Variants in MAGT1 observed in about 807,000 individuals in gnomAD.
MAGT1 encodes the protein magnesium transporter 1.
A neutral mutation model predicts 28.4 loss-of-function variants in MAGT1; 4 were observed. The observed-to-expected ratio is 0.14, with a 90% CI of 0.07 to 0.32. The LOEUF (loss-of-function observed/expected upper bound fraction) is 0.32. Ranked by LOEUF, MAGT1 falls within the 10% of genes least tolerant of loss-of-function variation. MAGT1 has a pLI of 1.00. For missense variants in MAGT1, 193 were observed against 264.5 expected (o/e 0.73, Z 1.88); for synonymous variants, 89 against 89.7 (o/e 0.99, Z 0.04).
chrX:77,855,708 A>G, intron 5 of MAGT1, 118 bp from the exon 6 acceptor site: 1 of 493,904 alleles, frequency 2.0e-6, no homozygotes, highest in East Asian at 3.8e-5. Context: ...TTGCAGATAA[A>G]TGATTTATTA....
intron 2 of MAGT1, among the ~76,000 whole-genome samples, chrX:77,875,191 T>C (rs781824541): frequency 9.0e-6 from 1 of 110,795 alleles, no homozygotes; most frequent in East Asian, 2.8e-4. Context: ...AAGATGACTG[T>C]TTGATCTTTA....
intron 8 of MAGT1, among the ~76,000 whole-genome samples, chrX:77,835,060 A>G (rs1317629637): frequency 9.5e-6 from 1 of 105,198 alleles, no homozygotes; most frequent in Non-Finnish European, 1.9e-5. Flanking sequence ...GGTTCACGCC[A>G]TTCTCCTGCC....
intron 7 of MAGT1, among the ~76,000 whole-genome samples, chrX:77,852,643 G>A (rs2076971685): frequency 9.0e-6 from 1 of 111,005 alleles, no homozygotes; most frequent in Non-Finnish European, 1.9e-5. Context: ...CCAGGCTGGA[G>A]TGCAGTGGTG....
At chrX:77,868,632 A>T (rs1557217063) in intron 3 of MAGT1, 1 of 307,151 alleles carries the variant, frequency 3.3e-6, no homozygotes, top group Non-Finnish European at 6.3e-6. Flanking sequence ...GCGAGACTCC[A>T]TCTCAAAAAA....
At chrX:77,829,448 T>C (rs1158239936) in intron 9 of MAGT1, among the ~76,000 whole-genome samples, 1 of 112,190 alleles carries the variant, frequency 8.9e-6, no homozygotes, top group Non-Finnish European at 1.9e-5. Flanking sequence ...TTAAAATATC[T>C]CCTGAATAGA....
intron 1 of MAGT1, among the ~76,000 whole-genome samples, chrX:77,878,289 CAAAAAAA>C (rs1205547369): frequency 2.1e-3 from 31 of 15,073 alleles, no homozygotes; most frequent in African/African-American, 2.5e-3. Context: ...AACTCTGATG[CAAAAAAA>C]AAAAAAAAAA....
At chrX:77,850,627 C>A (rs1745874313) in intron 7 of MAGT1, among the ~76,000 whole-genome samples, 1 of 110,666 alleles carries the variant, frequency 9.0e-6, no homozygotes. Flanking sequence ...GAAAAAAGTT[C>A]ACTTTTTGCA....
chrX:77,861,614 G>A (rs2076995004), intron 3 of MAGT1, among the ~76,000 whole-genome samples: 1 of 112,489 alleles, frequency 8.9e-6, no homozygotes, highest in Non-Finnish European at 1.9e-5. Context: ...GTTCATAGCA[G>A]TATTATTCAC....
intron 8 of MAGT1, among the ~76,000 whole-genome samples, 199 bp downstream of exon 8, chrX:77,841,044 GTTT>G (rs1264156524): frequency 9.0e-6 from 1 of 110,770 alleles, no homozygotes; most frequent in African/African-American, 3.3e-5. Context: ...TCATGCTCCT[GTTT>G]TTTTACATTT....
At chrX:77,852,399 T>A (rs993085654) in intron 7 of MAGT1, among the ~76,000 whole-genome samples, 2 of 112,043 alleles carry the variant, frequency 1.8e-5, no homozygotes, top group African/African-American at 3.2e-5. Flanking sequence ...AATATTTTTT[T>A]AGAATGCTTT....
intron 1 of MAGT1, chrX:77,885,565 T>A (rs1052095420): frequency 5.6e-5 from 6 of 107,316 alleles, no homozygotes; most frequent in Non-Finnish European, 3.9e-5. Flanking sequence ...GTCACCCAGA[T>A]TGGAGTGCAG....
chrX:77,830,389 G>A (rs1242716168), intron 9 of MAGT1, among the ~76,000 whole-genome samples: 2 of 111,489 alleles, frequency 1.8e-5, no homozygotes, highest in African/African-American at 3.3e-5. Flanking sequence ...GGAGGATGAG[G>A]CGGGTGGATC....
At chrX:77,838,538 T>C (rs1243903157) in intron 8 of MAGT1, among the ~76,000 whole-genome samples, 2 of 109,104 alleles carry the variant, frequency 1.8e-5, no homozygotes, top group African/African-American at 3.3e-5. Context: ...GGCAGGCACA[T>C]CATGAGGTCA....
chrX:77,853,874 C>G, intron 7 of MAGT1, 27 bp downstream of exon 7: 1 of 1,153,147 alleles, frequency 8.7e-7, no homozygotes, highest in South Asian at 1.8e-5. Flanking sequence ...CAAAATACAG[C>G]AAGAAAGACT....
At chrX:77,847,470 G>C (rs1557215109) in intron 7 of MAGT1, among the ~76,000 whole-genome samples, 1 of 112,248 alleles carries the variant, frequency 8.9e-6, no homozygotes, top group African/African-American at 3.2e-5. Context: ...TCCCCAGTGA[G>C]ATGAACCCAG....
chrX:77,879,596 C>A (rs2077045254), intron 1 of MAGT1, among the ~76,000 whole-genome samples: 1 of 111,003 alleles, frequency 9.0e-6, no homozygotes, highest in African/African-American at 3.3e-5. Context: ...ACGTTTGATT[C>A]CTTTTCTAGA....
At chrX:77,875,403 T>G in intron 2 of MAGT1, 25 bp downstream of exon 2, 1 of 1,200,797 alleles carries the variant, frequency 8.3e-7, no homozygotes, top group Non-Finnish European at 1.1e-6. Context: ...GTTATTTAAT[T>G]TTAAAGCGTA....
intron 1 of MAGT1, among the ~76,000 whole-genome samples, chrX:77,893,742 A>T (rs980345669): frequency 7.2e-5 from 8 of 111,511 alleles, no homozygotes; most frequent in Admixed American, 3.8e-4. Context: ...AAAAAGATAA[A>T]AAAGTAGCCA....
intron 8 of MAGT1, among the ~76,000 whole-genome samples, chrX:77,840,814 G>A (rs1380257516): frequency 8.9e-6 from 1 of 112,269 alleles, no homozygotes; most frequent in Non-Finnish European, 1.9e-5. Context: ...CTGCACTCCA[G>A]CCTGAGTGAC....
Sources: gnomAD v4.1 joint callset for allele counts (sites outside exome capture counted in the v4.1 genomes callset) on GRCh38, gnomAD v4.1.1 for gene constraint, MANE v1.5 for transcripts, NCBI Gene and HGNC (gene_info 2026-07-23, HGNC 2026-07-21) for gene names.